UNCX: variants seen among roughly 807,000 people sequenced by gnomAD.
The protein encoded by UNCX is homeobox protein unc-4 homolog.
A neutral mutation model predicts 14.8 loss-of-function variants in UNCX; 4 were observed. That is an observed-to-expected ratio of 0.27 (90% CI 0.13 to 0.62). The LOEUF is 0.62. Ranked by LOEUF, UNCX falls within the 20% of genes least tolerant of loss-of-function variation. UNCX has a pLI of 0.86. For missense variants in UNCX, 749 were observed against 786.8 expected (o/e 0.95, Z 0.58); for synonymous variants, 459 against 395.8 (o/e 1.16, Z -1.90).
At chr7:1,234,911 A>T (rs1778710491) in intron 2 of UNCX, among the ~76,000 whole-genome samples, 1 of 152,074 alleles carries the variant, frequency 6.6e-6, no homozygotes, top group Non-Finnish European at 1.5e-5. Context: ...AAGAATCCGT[A>T]TTAACGCGCC....
At position 1,233,680 on chromosome 7, in the gene UNCX, C is replaced by A; in HGVS notation, c.435C>A (p.Val145=). 1 of 1,602,840 alleles carries A rather than the reference C, an allele frequency of 6.2e-7. No homozygotes were observed. ...CGCTGGCGCTGCGCCTAGACCTGGTCGAGTCCCGAGTTCAGGTAAAGACCC... is the reference window on the plus strand; with the variant it reads ...CGCTGGCGCTGCGCCTAGACCTGGTAGAGTCCCGAGTTCAGGTAAAGACCC... ...REALALRLDL[V]ESRVQVWFQN... is the part of the protein sequence containing the mutation. Residue 145 remains valine (V), a synonymous_variant, in exon 2 of 3, where the codon GTC becomes GTA. Transcript: ENST00000316333. This position sits in a 1 kb window ranked among gnomAD's most constrained non-coding sequence, Gnocchi z 5.3.
Position 1,236,765 on chromosome 7 carries a change from G to A in UNCX, c.1384G>A (p.Asp462Asn). Residue 462 changes from aspartate (D) to asparagine (N), a missense_variant, in exon 3 of 3, where the codon GAC becomes AAC. This residue lies in a region of UNCX where 552 missense variants were observed against 507.2 expected (regional missense o/e 1.09). Transcript: ENST00000316333. The surrounding 1 kb of genome is among the most constrained non-coding windows in gnomAD (Gnocchi z 6.9). ...AGCCCCGGCCCCGGCGCCTTTCCGG[G>A]ACCTCGCCTCGGCAGCGGCTACCGA... ...APAPAPAPFR[D>N]LASAAATEGG... 1.0e-6 allele frequency: 1 copy of A among 987,902 alleles called. No individual in the cohort carries two copies. The highest frequency in any genetic ancestry group is 1.2e-6 in the Non-Finnish European group (1 of 833,274). 61.2% of individuals were successfully genotyped at this position (987,902 alleles called of 1,614,324 possible).
intron 2 of UNCX, among the ~76,000 whole-genome samples, chr7:1,234,047 G>T (rs929079579): frequency 6.6e-6 from 1 of 152,048 alleles, no homozygotes; most frequent in African/African-American, 2.4e-5. Flanking sequence ...GGCCGGCTTG[G>T]CTCCGACCCG....
At chr7:1,234,967 G>C (rs1393925889) in intron 2 of UNCX, among the ~76,000 whole-genome samples, 1 of 152,148 alleles carries the variant, frequency 6.6e-6, no homozygotes, top group East Asian at 1.9e-4. Flanking sequence ...GGGCTCAGAC[G>C]GATTTGACTG....
chr7:1,236,158 G>C lies in UNCX; in HGVS notation c.777G>C (p.Ala259=). The part of the protein sequence containing the change: ...PPPPAAKGPG[A]HASGAAGTAP... The stretch of plus-strand genomic sequence containing the variant: ...CGCCCGCCGCCAAGGGCCCCGGAGC[G>C]CACGCCTCGGGCGCCGCGGGGACCG... The change falls in exon 3 of 3, where the codon GCG becomes GCC. Residue 259 remains alanine, a synonymous_variant. Coordinates refer to ENST00000316333, the MANE Select transcript of UNCX (RefSeq NM_001080461.3). The surrounding 1 kb of genome is among the most constrained non-coding windows in gnomAD (Gnocchi z 6.9). 8.3e-7 allele frequency: 1 copy of C among 1,208,622 alleles called. No individual in the cohort carries two copies. Among genetic ancestry groups the C allele is most frequent in the Non-Finnish European group, 1.0e-6 (1 of 969,608 alleles). 74.9% of individuals were successfully genotyped at this position (1,208,622 alleles called of 1,614,324 possible). A position where few individuals can be genotyped will look rare whatever the true frequency, so the allele number is the denominator to read the frequency against.
chr7:1,233,003 G>A lies in UNCX; in HGVS notation c.-15G>A. ...CCCGCGCCCCGCCACCGGCCCCGCCGGCCCCCCGCGCGAGATGATGGACGG... is the reference window on the plus strand; with the variant it reads ...CCCGCGCCCCGCCACCGGCCCCGCCAGCCCCCCGCGCGAGATGATGGACGG... On this transcript the variant is annotated 5_prime_UTR_variant, in exon 1 of 3. Transcript: ENST00000316333. This position sits in a 1 kb window ranked among gnomAD's most constrained non-coding sequence, Gnocchi z 5.3. The A allele has an allele frequency of 4.2e-6, 5 of 1,193,540 alleles. No individual in the cohort carries two copies. Among genetic ancestry groups the A allele is most frequent in the Non-Finnish European group, 5.2e-6 (5 of 963,274 alleles). 73.9% of individuals were successfully genotyped at this position (1,193,540 alleles called of 1,614,324 possible).
chr7:1,235,580 G>A (rs368955995), intron 2 of UNCX, among the ~76,000 whole-genome samples: 8 of 152,404 alleles, frequency 5.2e-5, no homozygotes, highest in African/African-American at 1.9e-4. Context: ...GGTCCCCGAG[G>A]TGAGAAGCCA....
chr7:1,237,007 C>T lies in UNCX; in HGVS notation c.*30C>T. On this transcript the variant is annotated 3_prime_UTR_variant, in exon 3 of 3. Transcript: ENST00000316333. The surrounding 1 kb of genome is among the most constrained non-coding windows in gnomAD (Gnocchi z 5.8). ...GCGGCGGCCGGGAGAGGCGCGTAGC[C>T]GGCCCGCGGCCGCTCGCTCAGGCTC... 14 of 1,160,646 alleles carry T rather than the reference C, an allele frequency of 1.2e-5. No individual in the cohort carries two copies. The South Asian group carries it at 4.2e-4, about 35-fold the overall frequency. 71.9% of individuals were successfully genotyped at this position (1,160,646 alleles called of 1,614,324 possible).
Position 1,233,988 on chromosome 7 carries a change from G to T in UNCX, c.450+293G>T, listed in dbSNP as rs1393270325. 6.6e-6 allele frequency among the ~76,000 whole-genome samples: 1 copy of T among 152,232 alleles called. No individual in the cohort carries two copies. Among genetic ancestry groups the T allele is most frequent in the Admixed American group, 6.5e-5 (1 of 15,292 alleles). ...CGGGAAGCGGCGTGGTGGGTTGGCG[G>T]AGGCCGGGCCAAGTGAGGTCTCCAG... On this transcript the variant is annotated intron_variant, in intron 2 of 2. Transcript: ENST00000316333. The surrounding 1 kb of genome is among the most constrained non-coding windows in gnomAD (Gnocchi z 5.3).
chr7:1,233,322 A>T lies in UNCX; in HGVS notation c.274+31A>T, dbSNP rs1161099671. ...CGCGGCGGGCGGGAGGGCGGGGAGG[A>T]GTGCGGCTGGGGGCGGGGGCCCTGG... On this transcript the variant is annotated intron_variant, in intron 1 of 2. Coordinates refer to ENST00000316333, the MANE Select transcript of UNCX (RefSeq NM_001080461.3). The surrounding 1 kb of genome is among the most constrained non-coding windows in gnomAD (Gnocchi z 5.3). The T allele has an allele frequency of 7.7e-7, 1 of 1,299,164 alleles. No individual in the cohort carries two copies. Among genetic ancestry groups the T allele is most frequent in the African/African-American group, 1.7e-5 (1 of 60,152 alleles). 80.5% of individuals were successfully genotyped at this position (1,299,164 alleles called of 1,614,324 possible).
Position 1,236,687 on chromosome 7 carries a change from G to T in UNCX, c.1306G>T (p.Asp436Tyr). Reference sequence around the variant, plus strand: ...CTTCTCGGGGCCCGGCGGCGCCCCGGACTCGGCCTTCGCGCGTCGCAGCCC... The same window carrying T: ...CTTCTCGGGGCCCGGCGGCGCCCCGTACTCGGCCTTCGCGCGTCGCAGCCC... ...GAFSGPGGAP[D>Y]SAFARRSPDA... is the part of the protein sequence containing the mutation. Residue 436 changes from aspartate to tyrosine, a missense_variant, in exon 3 of 3, where the codon GAC becomes TAC. By Grantham distance (160) the Asp-to-Tyr change is radical. Around this residue, in one of 3 missense-constraint regions of UNCX, gnomAD observed 552 missense variants for 507.2 expected, o/e 1.09. Transcript: ENST00000316333. The surrounding 1 kb of genome is among the most constrained non-coding windows in gnomAD (Gnocchi z 6.9). 1 of 1,005,930 alleles carries T rather than the reference G, an allele frequency of 9.9e-7. No homozygotes were observed. The highest frequency in any genetic ancestry group is 4.5e-5 in the South Asian group (1 of 22,398). 62.3% of individuals were successfully genotyped at this position (1,005,930 alleles called of 1,614,324 possible). A position where few individuals can be genotyped will look rare whatever the true frequency, so the allele number is the denominator to read the frequency against.
chr7:1,234,507 G>T (rs746395532), intron 2 of UNCX, among the ~76,000 whole-genome samples: 4 of 151,762 alleles, frequency 2.6e-5, no homozygotes, highest in Non-Finnish European at 5.9e-5. Flanking sequence ...TCTGTGGTGC[G>T]GTGTGCGGTT....
In UNCX at chr7:1,233,119, C is replaced by T. The variant is rs1433827928; in HGVS notation, c.102C>T (p.Tyr34=). The part of the protein sequence containing the change: ...FPYPLGHHHV[Y]ELAGHQLQSA... ...ACCCGCTGGGCCACCACCACGTGTACGAGCTGGCCGGGCACCAGCTGCAGT... is the reference window on the plus strand; with the variant it reads ...ACCCGCTGGGCCACCACCACGTGTATGAGCTGGCCGGGCACCAGCTGCAGT... The change falls in exon 1 of 3, where the codon TAC becomes TAT. Residue 34 remains tyrosine (Y), a synonymous_variant. Coordinates refer to ENST00000316333, the MANE Select transcript of UNCX (RefSeq NM_001080461.3). This position sits in a 1 kb window ranked among gnomAD's most constrained non-coding sequence, Gnocchi z 5.3. The T allele has an allele frequency of 2.7e-6, 4 of 1,464,918 alleles. No homozygotes were observed. Among genetic ancestry groups the T allele is most frequent in the African/African-American group, 1.5e-5 (1 of 67,948 alleles). The allele number at this position is 1,464,918 out of a possible 1,614,324, so 90.7% of individuals were successfully genotyped here.
At position 1,233,878 on chromosome 7, in the gene UNCX, G is replaced by T. The variant is rs1227163270; in HGVS notation, c.450+183G>T. Among the ~76,000 whole-genome samples the T allele has an allele frequency of 6.6e-6, 1 of 152,262 alleles. No individual in the cohort carries two copies. Among genetic ancestry groups the T allele is most frequent in the East Asian group, 1.9e-4 (1 of 5,200 alleles). ...CTCGGCCCCTCACGGACAGCGGGGT[G>T]GGTAACTGCCCCCCAAAAGCCTGGG... is the stretch of plus-strand genomic sequence containing the variant. On this transcript the variant is annotated intron_variant, in intron 2 of 2. Coordinates refer to ENST00000316333, the MANE Select transcript of UNCX (RefSeq NM_001080461.3). The surrounding 1 kb of genome is among the most constrained non-coding windows in gnomAD (Gnocchi z 5.3).
Position 1,236,054 on chromosome 7 carries a change from C to T in UNCX, c.673C>T (p.Leu225=). 6.3e-7 allele frequency: 1 copy of T among 1,599,800 alleles called. No homozygotes were observed. The highest frequency in any genetic ancestry group is 8.5e-7 in the Non-Finnish European group (1 of 1,174,460). ...QGRHLHSPGG[L]SLHSAPSSDS... The stretch of plus-strand genomic sequence containing the variant: ...CCGCCACTTGCACTCGCCCGGCGGC[C>T]TGTCCCTGCACAGCGCGCCCAGCTC... The change falls in exon 3 of 3, where the codon CTG becomes TTG. Residue 225 remains leucine (L), a synonymous_variant. Coordinates refer to ENST00000316333, the MANE Select transcript of UNCX (RefSeq NM_001080461.3). This position sits in a 1 kb window ranked among gnomAD's most constrained non-coding sequence, Gnocchi z 6.9.
chr7:1,234,107 T>G (rs1778696603), intron 2 of UNCX, among the ~76,000 whole-genome samples: 1 of 143,278 alleles, frequency 7.0e-6, no homozygotes, highest in Non-Finnish European at 1.5e-5. Context: ...GCCTCAACCT[T>G]CCGCGCGAGG....
At position 1,233,569 on chromosome 7, in the gene UNCX, C is replaced by T. The variant is rs757758182; in HGVS notation, c.324C>T (p.Thr108=). 4.3e-6 allele frequency: 7 copies of T among 1,613,008 alleles called. No homozygotes were observed. Among genetic ancestry groups the T allele is most frequent in the Non-Finnish European group, 5.9e-6 (7 of 1,179,870 alleles). The change falls in exon 2 of 3, where the codon ACC becomes ACT. Residue 108 remains threonine (T), a synonymous_variant. Coordinates refer to ENST00000316333, the MANE Select transcript of UNCX (RefSeq NM_001080461.3). This position sits in a 1 kb window ranked among gnomAD's most constrained non-coding sequence, Gnocchi z 5.3. ...KESPGCKRRR[T]RTNFTGWQLE... is the part of the protein sequence containing the mutation. ...GCCCGGGCTGCAAGCGGCGGCGCAC[C>T]CGCACCAACTTCACCGGCTGGCAGC...
rs768124844 is a variant in UNCX, at chr7:1,235,884, A to G, written c.503A>G (p.Lys168Arg). Reference protein sequence around the residue: ...AKWRKKENTKKGPGRPAHNSH... With the variant: ...AKWRKKENTKRGPGRPAHNSH... ...TGGAGGAAGAAGGAGAACACGAAAA[A>G]GGGCCCGGGGCGGCCGGCGCACAAC... Residue 168 changes from lysine (K) to arginine (R), a missense_variant, in exon 3 of 3, where the codon AAG becomes AGG. Transcript: ENST00000316333. 6.2e-7 allele frequency: 1 copy of G among 1,612,148 alleles called. No homozygotes were observed. Among genetic ancestry groups the G allele is most frequent in the Non-Finnish European group, 8.5e-7 (1 of 1,179,606 alleles).
chr7:1,233,478 G>C lies in UNCX; in HGVS notation c.275-42G>C. 1 of 1,559,086 alleles carries C rather than the reference G, an allele frequency of 6.4e-7. No individual in the cohort carries two copies. On this transcript the variant is annotated intron_variant, in intron 1 of 2. Coordinates refer to ENST00000316333, the MANE Select transcript of UNCX (RefSeq NM_001080461.3). The surrounding 1 kb of genome is among the most constrained non-coding windows in gnomAD (Gnocchi z 5.3). ...GAGGGAGGGGTGGGGGTCGGGCCTG[G>C]GCCGGTGGCTGAGCCGCGCTGCGTC... is the stretch of plus-strand genomic sequence containing the variant.
Sources: gnomAD v4.1 joint callset for allele counts (sites outside exome capture counted in the v4.1 genomes callset) on GRCh38, gnomAD v4.1.1 for gene constraint, gnomAD v4.1.1 regional missense constraint, Gnocchi (gnomAD v3.1) non-coding constraint, MANE v1.5 for transcripts, NCBI Gene and HGNC (gene_info 2026-07-23, HGNC 2026-07-21) for gene names.